Variants in NSD1 observed in about 807,000 individuals in gnomAD.
The protein encoded by NSD1 is nuclear receptor binding SET domain protein 1, also known as histone-lysine N-methyltransferase, H3 lysine-36 specific.
A neutral mutation model predicts 242.7 loss-of-function variants in NSD1; 26 were observed. That is an observed-to-expected ratio of 0.11 (90% confidence interval 0.08 to 0.15). The LOEUF (loss-of-function observed/expected upper bound fraction) is 0.15, where lower values mean the gene tolerates loss of function less well. NSD1 is among the 10% of genes least tolerant of loss of function. The probability of loss-of-function intolerance (pLI) is 1.00; values close to 1 mark genes in which losing one functional copy is unlikely to be tolerated. For synonymous variants in NSD1, 1,106 were observed against 1,178.1 expected, an observed-to-expected ratio of 0.94 and a Z score of 1.25; for missense variants, 2,495 against 3,272.8, an observed-to-expected ratio of 0.76 and a Z score of 5.80.
At position 177,188,845 on chromosome 5, in the gene NSD1, A is replaced by T. The variant is rs572452641; in HGVS notation, c.928-3039A>T. ...GGTGGATATTAACTTTTGTCATTTTAAAAAAAAAATGCTTTAACAGCTTGG... is the reference window on the plus strand; with the variant it reads ...GGTGGATATTAACTTTTGTCATTTTTAAAAAAAAATGCTTTAACAGCTTGG... On this transcript the variant is annotated intron_variant, in intron 2 of 22. Coordinates refer to ENST00000439151, the MANE Select transcript of NSD1 (RefSeq NM_022455.5). Among the ~76,000 whole-genome samples the T allele has an allele frequency of 1.0e-3, 141 of 141,624 alleles. 1 individual carries two copies. Among genetic ancestry groups the T allele is most frequent in the East Asian group, 4.7e-3 (22 of 4,720 alleles). The allele number at this position is 141,624 out of a possible 152,430, so 92.9% of individuals were successfully genotyped here. A position where few individuals can be genotyped will look rare whatever the true frequency, so the allele number is the denominator to read the frequency against.
intron 2 of NSD1, among the ~76,000 whole-genome samples, chr5:177,160,969 A>G (rs919369160): frequency 7.2e-5 from 11 of 152,048 alleles, no homozygotes; most frequent in African/African-American, 2.7e-4. Context: ...AGGTTTCCCC[A>G]TGTTGGCCAG....
At chr5:177,186,076 T>TAAC in intron 2 of NSD1, among the ~76,000 whole-genome samples, 1 of 117,490 alleles carries the variant, frequency 8.5e-6, no homozygotes, top group East Asian at 2.3e-4. Context: ...ATATGTTATA[T>TAAC]ATAATATATT....
chr5:177,181,427 G>GTTTT (rs34848476), intron 2 of NSD1, among the ~76,000 whole-genome samples: 41 of 117,316 alleles, frequency 3.5e-4, no homozygotes, highest in African/African-American at 8.1e-4. Context: ...TTTTTTTTTG[G>GTTTT]TTTTTTTTTT....
At chr5:177,280,896 C>T in intron 18 of NSD1, 62 bp downstream of exon 18, 3 of 1,530,658 alleles carry the variant, frequency 2.0e-6, no homozygotes, top group South Asian at 2.3e-5. Context: ...TATCATTGAT[C>T]CTTGACATTA....
intron 4 of NSD1, among the ~76,000 whole-genome samples, chr5:177,209,303 G>A (rs1004708115): frequency 8.6e-5 from 13 of 151,744 alleles, no homozygotes; most frequent in Non-Finnish European, 1.2e-4. Flanking sequence ...TGAGGTGAGC[G>A]GATCACTTCA....
chr5:177,246,906 A>G (rs540663117), intron 10 of NSD1, 110 bp downstream of exon 10: 2 of 793,656 alleles, frequency 2.5e-6, no homozygotes, highest in Admixed American at 1.9e-5. Flanking sequence ...TTCTACTGAA[A>G]TGGCTGATGG....
chr5:177,275,867 T>C (rs1758341090), intron 17 of NSD1, among the ~76,000 whole-genome samples: 1 of 152,220 alleles, frequency 6.6e-6, no homozygotes, highest in African/African-American at 2.4e-5. Context: ...CCATACCGTG[T>C]CTTAGATTTA....
intron 2 of NSD1, among the ~76,000 whole-genome samples, chr5:177,138,345 T>C (rs945165301): frequency 6.6e-6 from 1 of 152,038 alleles, no homozygotes; most frequent in Non-Finnish European, 1.5e-5. Context: ...AACCACCTCC[T>C]CCTGGGTTCA....
chr5:177,143,719 C>T (rs1581114938), intron 2 of NSD1, among the ~76,000 whole-genome samples: 1 of 151,950 alleles, frequency 6.6e-6, no homozygotes, highest in Non-Finnish European at 1.5e-5. Flanking sequence ...AGGCCCATTT[C>T]CTCAGTTCTA....
chr5:177,144,741 A>G (rs971760575), intron 2 of NSD1, among the ~76,000 whole-genome samples: 2 of 152,156 alleles, frequency 1.3e-5, no homozygotes, highest in African/African-American at 4.8e-5. Flanking sequence ...AAATAATCTC[A>G]ATTGTAGCCT....
intron 13 of NSD1, among the ~76,000 whole-genome samples, chr5:177,258,727 G>A (rs191173890): frequency 2.6e-5 from 4 of 151,660 alleles, no homozygotes; most frequent in East Asian, 2.0e-4. Flanking sequence ...GTAGAGACAG[G>A]GTTTCATCAT....
intron 2 of NSD1, 36 bp downstream of exon 2, chr5:177,136,066 A>G (rs764641829): frequency 1.3e-6 from 2 of 1,527,548 alleles, no homozygotes; most frequent in South Asian, 1.1e-5. Context: ...ATATATACAT[A>G]TATGTATATA....
At position 177,210,637 on chromosome 5, in the gene NSD1, T is replaced by C. The variant is rs1352853358; in HGVS notation, c.2238T>C (p.Phe746=). The C allele has an allele frequency of 1.9e-6, 3 of 1,614,034 alleles. No homozygotes were observed. Among genetic ancestry groups the C allele is most frequent in the Non-Finnish European group, 2.5e-6 (3 of 1,180,028 alleles). The change falls in exon 5 of 23, where the codon TTT becomes TTC. Residue 746 remains phenylalanine (F), a synonymous_variant. Coordinates refer to ENST00000439151, the MANE Select transcript of NSD1 (RefSeq NM_022455.5). ...STLVHKPQSD[F]TNDALSPKFN... The stretch of plus-strand genomic sequence containing the variant: ...TTGTTCACAAACCCCAGTCAGATTT[T>C]ACAAATGATGCTCTCTCTCCAAAAT...
chr5:177,212,244 G>T (rs1250447117), intron 5 of NSD1, 49 bp downstream of exon 5: 2 of 1,566,416 alleles, frequency 1.3e-6, no homozygotes, highest in South Asian at 2.3e-5. Context: ...AGAAAGTGCT[G>T]ATAAACATTG....
chr5:177,151,677 C>T (rs1174045201), intron 2 of NSD1, among the ~76,000 whole-genome samples: 1 of 151,524 alleles, frequency 6.6e-6, no homozygotes, highest in Non-Finnish European at 1.5e-5. Flanking sequence ...GCATGAGCCA[C>T]CGTGCGTGTC....
At chr5:177,258,948 C>T (rs1025600626) in intron 13 of NSD1, among the ~76,000 whole-genome samples, 1 of 152,202 alleles carries the variant, frequency 6.6e-6, no homozygotes, top group Non-Finnish European at 1.5e-5. Flanking sequence ...GATTCTCTTG[C>T]CTCAGCCCCT....
chr5:177,192,010 A>G lies in NSD1; in HGVS notation c.1054A>G (p.Lys352Glu). The G allele has an allele frequency of 6.2e-7, 1 of 1,614,116 alleles. No homozygotes were observed. Among genetic ancestry groups the G allele is most frequent in the Non-Finnish European group, 8.5e-7 (1 of 1,179,996 alleles). ...CSDPLINTHSKMKVSNRRPYR... is the reference protein window; with the variant it reads ...CSDPLINTHSEMKVSNRRPYR... ...TGATCCGTTGATTAACACACATTCA[A>G]AAATGAAAGGTAATACTTGCAGTGA... is the stretch of plus-strand genomic sequence containing the variant. The change falls in exon 3 of 23, where the codon AAA becomes GAA. Residue 352 changes from lysine to glutamate, a missense_variant. Physicochemically the swap from Lys to Glu is moderately conservative, Grantham distance 56. Around this residue, in one of 19 missense-constraint regions of NSD1, gnomAD observed 65 missense variants for 136.2 expected, o/e 0.48. Coordinates refer to ENST00000439151, the MANE Select transcript of NSD1 (RefSeq NM_022455.5).
At chr5:177,267,225 G>A (rs1011835064) in intron 14 of NSD1, among the ~76,000 whole-genome samples, 2 of 152,262 alleles carry the variant, frequency 1.3e-5, no homozygotes, top group East Asian at 3.9e-4. Flanking sequence ...TGTGTCAGAC[G>A]CTACTAGGTA....
intron 5 of NSD1, among the ~76,000 whole-genome samples, chr5:177,218,624 G>A (rs1036367258): frequency 1.3e-4 from 20 of 149,818 alleles, no homozygotes; most frequent in South Asian, 6.3e-4. Flanking sequence ...CTGGCGTGCC[G>A]TGGCGCAATC....
Sources: allele counts gnomAD v4.1 joint callset (sites outside exome capture counted in the v4.1 genomes callset), GRCh38; gene constraint gnomAD v4.1.1; regional missense constraint gnomAD v4.1.1; transcripts MANE v1.5; gene names NCBI Gene and HGNC (gene_info 2026-07-23, HGNC 2026-07-21).